The following SV2C variants were observed in gnomAD, a reference collection of about 807,000 sequenced individuals.
The protein encoded by SV2C is solute carrier family 22 member B3.
Under a neutral mutation model 79.7 loss-of-function variants are expected in SV2C, and 49 were observed. The ratio of observed to expected loss-of-function variants is 0.61; its 90% CI spans 0.49 to 0.78. The LOEUF (loss-of-function observed/expected upper bound fraction) is 0.78. Ranked by LOEUF, SV2C falls within the 30% of genes least tolerant of loss-of-function variation. The pLI is 0.00. For synonymous variants in SV2C, 334 were observed against 333.2 expected, an observed-to-expected ratio of 1.00 and a Z score of -0.03; for missense variants, 833 against 912.9, an observed-to-expected ratio of 0.91 and a Z score of 1.13.
At chr5:76,084,982 C>G (rs1747132205) in intron 1 of SV2C, among the ~76,000 whole-genome samples, 1 of 152,232 alleles carries the variant, frequency 6.6e-6, no homozygotes, top group Non-Finnish European at 1.5e-5. Context: ...TCTTTTAAGG[C>G]TCATGAGAGC....
the SV2C span, among the ~76,000 whole-genome samples, chr5:76,042,867 G>A: frequency 1.3e-5 from 2 of 152,246 alleles, no homozygotes; most frequent in African/African-American, 4.8e-5. Context: ...GACAATCGCT[G>A]CAGCTGACCT....
chr5:75,934,326 C>T, the SV2C span, among the ~76,000 whole-genome samples: 6 of 69,610 alleles, frequency 8.6e-5, no homozygotes, highest in African/African-American at 2.5e-4. Context: ...TTTTCACTGT[C>T]GCTGGGCTGG....
chr5:75,982,596 A>C, the SV2C span, among the ~76,000 whole-genome samples: 1 of 152,268 alleles, frequency 6.6e-6, no homozygotes, highest in Admixed American at 6.5e-5. Context: ...CATTCCACCC[A>C]GCAATCCCAT....
chr5:75,932,633 G>T, the SV2C span, among the ~76,000 whole-genome samples: 4 of 152,342 alleles, frequency 2.6e-5, no homozygotes, highest in African/African-American at 9.6e-5. Flanking sequence ...CTGATTATCT[G>T]CAGCAAAAGC....
the SV2C span, among the ~76,000 whole-genome samples, chr5:75,873,241 C>T: frequency 4.8e-4 from 73 of 152,050 alleles, no homozygotes; most frequent in East Asian, 0.012. Flanking sequence ...TGTTATGAAA[C>T]AATGATGAAG....
chr5:75,872,480 A>G, the SV2C span, among the ~76,000 whole-genome samples: 1 of 152,186 alleles, frequency 6.6e-6, no homozygotes, highest in Non-Finnish European at 1.5e-5. Flanking sequence ...CAATTTTAAG[A>G]TACAGTATTT....
At chr5:76,111,541 T>A (rs1248053950) in intron 1 of SV2C, among the ~76,000 whole-genome samples, 1 of 152,132 alleles carries the variant, frequency 6.6e-6, no homozygotes, top group East Asian at 1.9e-4. Flanking sequence ...ATGGGTCTGT[T>A]ATAATTAGAT....
intron 6 of SV2C, among the ~76,000 whole-genome samples, chr5:76,290,762 G>T (rs1187121437): frequency 6.6e-6 from 1 of 152,192 alleles, no homozygotes; most frequent in African/African-American, 2.4e-5. Flanking sequence ...CGGAAGTGGT[G>T]CTCTGAGAAT....
intron 2 of SV2C, among the ~76,000 whole-genome samples, chr5:76,148,904 G>A (rs1255407755): frequency 2.6e-5 from 4 of 152,142 alleles, no homozygotes; most frequent in South Asian, 2.1e-4. Flanking sequence ...TGTTTTAAAC[G>A]TCTTTGAATG....
At chr5:76,081,522 TTAAC>T (rs1306712069), upstream of SV2C, among the ~76,000 whole-genome samples, 2 of 152,086 alleles carry the variant, frequency 1.3e-5, no homozygotes, top group African/African-American at 2.4e-5. Flanking sequence ...TTTAAATTAT[TTAAC>T]TATTTAAATT....
chr5:76,064,952 A>C, the SV2C span, among the ~76,000 whole-genome samples: 337 of 152,292 alleles, frequency 2.2e-3, no homozygotes, highest in African/African-American at 7.9e-3. Flanking sequence ...TAAGTATTAG[A>C]TCTAAAAGAA....
intron 4 of SV2C, among the ~76,000 whole-genome samples, chr5:76,228,497 A>T (rs1745320271): frequency 6.6e-6 from 1 of 152,110 alleles, no homozygotes; most frequent in Non-Finnish European, 1.5e-5. Context: ...GGTGGGGAGG[A>T]TGGAAAAACC....
chr5:76,005,739 C>A, the SV2C span, among the ~76,000 whole-genome samples: 7 of 152,258 alleles, frequency 4.6e-5, no homozygotes, highest in South Asian at 1.0e-3. Flanking sequence ...ACAAATGAAA[C>A]CATGCAAGGA....
intron 2 of SV2C, among the ~76,000 whole-genome samples, chr5:76,158,966 G>A (rs1221209144): frequency 1.3e-5 from 2 of 151,984 alleles, no homozygotes; most frequent in Non-Finnish European, 2.9e-5. Flanking sequence ...TTTATCTCAG[G>A]AATGCCCTGT....
At chr5:76,024,567 C>T in the SV2C span, among the ~76,000 whole-genome samples, 1 of 152,050 alleles carries the variant, frequency 6.6e-6, no homozygotes, top group Non-Finnish European at 1.5e-5. Flanking sequence ...CATTACAAAC[C>T]AGTTTTTTTC....
In SV2C at chr5:76,351,287, A is replaced by AC. The variant is rs567000774; in HGVS notation, c.2001-1842dup. Among the ~76,000 whole-genome samples, 466 of 152,210 alleles carry AC rather than the reference A, an allele frequency of 3.1e-3. 2 individuals are homozygous for AC. Among genetic ancestry groups the AC allele is most frequent in the African/African-American group, 0.011 (438 of 41,536 alleles). ...ATAGTGAGACCTTGTCTCTACAAAA[A>AC]CAATAAAAAAATTAGCCAGGCACGG... On this transcript the variant is annotated intron_variant, in intron 12 of 12. Coordinates refer to the SV2C transcript ENST00000322285.
At chr5:76,191,861 C>T (rs1744113958) in intron 2 of SV2C, among the ~76,000 whole-genome samples, 1 of 152,198 alleles carries the variant, frequency 6.6e-6, no homozygotes, top group South Asian at 2.1e-4. Flanking sequence ...GAATTAAAGT[C>T]TTCATTAAAT....
chr5:76,219,523 G>A (rs371888349), intron 4 of SV2C, among the ~76,000 whole-genome samples: 1 of 152,230 alleles, frequency 6.6e-6, no homozygotes, highest in East Asian at 1.9e-4. Context: ...ATTGTTCATG[G>A]CACCCAGAAG....
chr5:75,888,657 T>C, the SV2C span, among the ~76,000 whole-genome samples: 2 of 152,096 alleles, frequency 1.3e-5, no homozygotes, highest in African/African-American at 4.8e-5. Flanking sequence ...CTTCATCTAA[T>C]GTAAGCCAAC....
Sources: allele counts gnomAD v4.1 joint callset (sites outside exome capture counted in the v4.1 genomes callset), GRCh38; gene constraint gnomAD v4.1.1; transcripts MANE v1.5; gene names NCBI Gene and HGNC (gene_info 2026-07-23, HGNC 2026-07-21).